LHFPL3: variants seen among roughly 807,000 people sequenced by gnomAD.
LHFPL3 encodes LHFPL tetraspan subfamily member 3, also known as LHFPL tetraspan subfamily member 3 protein.
In LHFPL3, 5 loss-of-function variants were observed where a neutral mutation model predicts 19.3. That is an observed-to-expected ratio of 0.26 (90% CI 0.14 to 0.54). The LOEUF (loss-of-function observed/expected upper bound fraction) is 0.54. Among genes scored for constraint, LHFPL3 ranks in the 20% least tolerant of loss-of-function variants. The probability of loss-of-function intolerance (pLI) is 0.94; values close to 1 mark genes in which losing one functional copy is unlikely to be tolerated. For synonymous variants in LHFPL3, 133 were observed against 126.2 expected (o/e 1.05, Z -0.36); for missense variants, 249 against 307.4 (o/e 0.81, Z 1.42).
intron 2 of LHFPL3, among the ~76,000 whole-genome samples, chr7:104,801,556 TG>T (rs1790246091): frequency 6.6e-6 from 1 of 151,918 alleles, no homozygotes; most frequent in Admixed American, 6.6e-5. Flanking sequence ...TTTGTATGTT[TG>T]TTTGTTTTGT....
intron 1 of LHFPL3, among the ~76,000 whole-genome samples, chr7:104,368,988 G>A (rs895630198): frequency 2.0e-5 from 3 of 152,118 alleles, no homozygotes; most frequent in African/African-American, 7.2e-5. Context: ...TATTCACAGC[G>A]ATCTTATGAG....
chr7:104,846,797 T>C (rs367890332), intron 2 of LHFPL3, among the ~76,000 whole-genome samples: 2 of 152,304 alleles, frequency 1.3e-5, no homozygotes, highest in African/African-American at 4.8e-5. Flanking sequence ...CTGGATGAGC[T>C]TGAGAAAGTT....
At chr7:104,738,010 C>T (rs1793861695) in intron 2 of LHFPL3, among the ~76,000 whole-genome samples, 1 of 149,194 alleles carries the variant, frequency 6.7e-6, no homozygotes, top group African/African-American at 2.5e-5. Context: ...TGCGGGTAAA[C>T]TATGACATAG....
intron 2 of LHFPL3, among the ~76,000 whole-genome samples, chr7:104,829,763 C>G (rs1472450509): frequency 1.3e-5 from 2 of 151,996 alleles, no homozygotes; most frequent in African/African-American, 2.4e-5. Context: ...CAAGTCTTTG[C>G]TATTGTGAAT....
chr7:104,654,397 C>G (rs1046719097), intron 1 of LHFPL3, among the ~76,000 whole-genome samples: 8 of 152,152 alleles, frequency 5.3e-5, no homozygotes, highest in African/African-American at 1.9e-4. Flanking sequence ...TTTCCTACAT[C>G]TAGTACTCTT....
intron 1 of LHFPL3, among the ~76,000 whole-genome samples, chr7:104,664,351 T>C (rs1228625431): frequency 6.6e-6 from 1 of 152,190 alleles, no homozygotes; most frequent in Non-Finnish European, 1.5e-5. Context: ...TTTGAATACA[T>C]GCTAAAATAA....
At position 104,556,292 on chromosome 7, in the gene LHFPL3, A is replaced by G. The variant is rs1040544310; in HGVS notation, c.446-180383A>G. ...ACTGCCCTAGCAGAGGTTCTCCATGAGGGTCCCCCCCCTGCAGCAAACTCT... is the reference window on the plus strand; with the variant it reads ...ACTGCCCTAGCAGAGGTTCTCCATGGGGGTCCCCCCCCTGCAGCAAACTCT... On this transcript the variant is annotated intron_variant, in intron 1 of 2. Coordinates refer to ENST00000424859, the MANE Select transcript of LHFPL3 (RefSeq NM_199000.3). Among the ~76,000 whole-genome samples, 7 of 152,146 alleles carry G rather than the reference A, an allele frequency of 4.6e-5. No individual in the cohort carries two copies. The East Asian group carries it at 1.3e-3, about 29-fold the overall frequency.
intron 1 of LHFPL3, among the ~76,000 whole-genome samples, chr7:104,534,943 T>C (rs1794365818): frequency 6.6e-6 from 1 of 152,188 alleles, no homozygotes; most frequent in Admixed American, 6.5e-5. Context: ...CAATTACGAC[T>C]TTGCCTTCAC....
chr7:104,626,358 T>C (rs1791546354), intron 1 of LHFPL3, among the ~76,000 whole-genome samples: 1 of 152,218 alleles, frequency 6.6e-6, no homozygotes, highest in South Asian at 2.1e-4. Context: ...TCTGTATTTT[T>C]AGTTTTTCAA....
chr7:104,829,964 C>T (rs942263514), intron 2 of LHFPL3, among the ~76,000 whole-genome samples: 25 of 151,946 alleles, frequency 1.6e-4, no homozygotes, highest in Non-Finnish European at 3.1e-4. Context: ...AAAAGTATTC[C>T]TATTTCTCCA....
intron 1 of LHFPL3, among the ~76,000 whole-genome samples, chr7:104,665,430 TTAAAAAAATGTAACCATATTCAGG>T (rs1359287949): frequency 6.6e-6 from 1 of 152,198 alleles, no homozygotes; most frequent in African/African-American, 2.4e-5. Context: ...GTCCATTCCA[TTAAAAAAATGTAACCATATTCAGG>T]CTTTTTTAAC....
At chr7:104,777,952 T>A (rs1409525373) in intron 2 of LHFPL3, among the ~76,000 whole-genome samples, 1 of 152,198 alleles carries the variant, frequency 6.6e-6, no homozygotes, top group African/African-American at 2.4e-5. Flanking sequence ...GTGCAAGATT[T>A]TATGTCTAAG....
At chr7:104,687,414 C>A (rs1315751208) in intron 1 of LHFPL3, among the ~76,000 whole-genome samples, 1 of 152,294 alleles carries the variant, frequency 6.6e-6, no homozygotes, top group Non-Finnish European at 1.5e-5. Flanking sequence ...TTGATTAAAT[C>A]ATTAGCCATT....
At chr7:104,721,631 G>A (rs984063307) in intron 1 of LHFPL3, among the ~76,000 whole-genome samples, 1 of 152,136 alleles carries the variant, frequency 6.6e-6, no homozygotes, top group Non-Finnish European at 1.5e-5. Flanking sequence ...CTAAGGTAGG[G>A]AAAGGAAAGT....
chr7:104,694,219 A>G (rs1311963510), intron 1 of LHFPL3, among the ~76,000 whole-genome samples: 7 of 152,364 alleles, frequency 4.6e-5, no homozygotes, highest in Admixed American at 2.6e-4. Flanking sequence ...ATCAATTTAC[A>G]GTGGTTTCTG....
chr7:104,897,181 C>T (rs989901622), intron 2 of LHFPL3, among the ~76,000 whole-genome samples: 2 of 152,138 alleles, frequency 1.3e-5, no homozygotes, highest in African/African-American at 4.8e-5. Context: ...CAGTCTCTGG[C>T]TTTCCATGAC....
chr7:104,376,960 C>T (rs1041522746), intron 1 of LHFPL3, among the ~76,000 whole-genome samples: 1 of 152,068 alleles, frequency 6.6e-6, no homozygotes, highest in African/African-American at 2.4e-5. Flanking sequence ...TATTTTTATG[C>T]ATGATTTACA....
chr7:104,619,697 G>A (rs555372644), intron 1 of LHFPL3, among the ~76,000 whole-genome samples: 2 of 152,164 alleles, frequency 1.3e-5, no homozygotes, highest in South Asian at 2.1e-4. Flanking sequence ...TGTTCTCGAT[G>A]GGGGGAGAAT....
chr7:104,380,910 A>C (rs953267122), intron 1 of LHFPL3, among the ~76,000 whole-genome samples: 2 of 152,238 alleles, frequency 1.3e-5, no homozygotes, highest in African/African-American at 4.8e-5. Context: ...CACTGTGAAC[A>C]TTGAAATCAG....
Sources: allele counts gnomAD v4.1 joint callset (sites outside exome capture counted in the v4.1 genomes callset), GRCh38; gene constraint gnomAD v4.1.1; transcripts MANE v1.5; gene names NCBI Gene and HGNC (gene_info 2026-07-23, HGNC 2026-07-21).